DNAH10: variants seen among roughly 807,000 people sequenced by gnomAD.
DNAH10 encodes axonemal beta dynein heavy chain 10.
In DNAH10, 348 loss-of-function variants were observed where a neutral mutation model predicts 506.6. The ratio of observed to expected loss-of-function variants is 0.69; its 90% CI spans 0.63 to 0.75. The LOEUF (loss-of-function observed/expected upper bound fraction) is 0.75, where lower values mean the gene tolerates loss of function less well. DNAH10 is among the 30% of genes least tolerant of loss of function. The pLI is 0.00. For missense variants in DNAH10, 5,179 were observed against 5,787.1 expected, an observed-to-expected ratio of 0.89 and a Z score of 3.41; for synonymous variants, 2,059 against 2,198.6, an observed-to-expected ratio of 0.94 and a Z score of 1.78.
chr12:123,825,572 A>G (rs1263218743), intron 24 of DNAH10, among the ~76,000 whole-genome samples: 2 of 152,240 alleles, frequency 1.3e-5, no homozygotes, highest in Non-Finnish European at 2.9e-5. Flanking sequence ...TATTCCATTC[A>G]TAAAAAACCC....
intron 29 of DNAH10, among the ~76,000 whole-genome samples, chr12:123,839,204 T>C (rs1040371275): frequency 1.3e-5 from 2 of 150,098 alleles, no homozygotes; most frequent in African/African-American, 5.0e-5. Flanking sequence ...AAAACCTTTC[T>C]TTTTATAAAC....
chr12:123,819,243 T>C lies in DNAH10; in HGVS notation c.3993T>C (p.Leu1331=), dbSNP rs764381054. Residue 1331 remains leucine (L), a synonymous_variant, in exon 23 of 79, where the codon CTT becomes CTC. Coordinates refer to ENST00000673944, the MANE Select transcript of DNAH10 (RefSeq NM_001372106.1). ...GCCCTGGTTCTGTTGGTGATGATCT[T>C]GATAAAGGTAAGAATGTTCCTGTTG... The part of the protein sequence containing the change: ...SEGPGSVGDD[L]DKGVELLGVY... 1.2e-6 allele frequency: 2 copies of C among 1,611,418 alleles called. No homozygotes were observed. Among genetic ancestry groups the C allele is most frequent in the Non-Finnish European group, 1.7e-6 (2 of 1,178,662 alleles).
chr12:123,813,736 T>C lies in DNAH10; in HGVS notation c.3622-18T>C. The C allele has an allele frequency of 6.2e-7, 1 of 1,613,364 alleles. No individual in the cohort carries two copies. The highest frequency in any genetic ancestry group is 1.1e-5 in the South Asian group (1 of 90,854). On this transcript the variant is annotated intron_variant, in intron 20 of 78. Coordinates refer to ENST00000673944, the MANE Select transcript of DNAH10 (RefSeq NM_001372106.1). ...TTTTTCTGTGTTTGCTTAGTGTTCT[T>C]TGTACTTTCTGTTATAGCACCTGGC...
chr12:123,876,392 G>A (rs1374807333), intron 47 of DNAH10, among the ~76,000 whole-genome samples: 4 of 152,184 alleles, frequency 2.6e-5, no homozygotes, highest in Admixed American at 6.5e-5. Flanking sequence ...CAGCACTTTG[G>A]GAGGTTGAGG....
intron 65 of DNAH10, among the ~76,000 whole-genome samples, chr12:123,921,062 C>T (rs753860686): frequency 4.9e-4 from 74 of 152,176 alleles, no homozygotes; most frequent in Non-Finnish European, 6.0e-4. Flanking sequence ...CATAAGCCAC[C>T]GTGTCTGCCC....
chr12:123,919,576 C>G lies in DNAH10; in HGVS notation c.11506+627C>G, dbSNP rs1954638073. ...CTCTCTGGCTCCGGAACGTTTCCAC[C>G]AGCCCCGAAATGAAATCCCATACCC... On this transcript the variant is annotated intron_variant, in intron 65 of 78. Transcript: ENST00000673944. This position sits in a 1 kb window ranked among gnomAD's most constrained non-coding sequence, Gnocchi z 4.9. Among the ~76,000 whole-genome samples the G allele has an allele frequency of 6.6e-6, 1 of 152,194 alleles. No homozygotes were observed.
At chr12:123,788,161 A>G (rs1299726165) in intron 10 of DNAH10, among the ~76,000 whole-genome samples, 159 bp downstream of exon 10, 2 of 152,230 alleles carry the variant, frequency 1.3e-5, no homozygotes, top group Non-Finnish European at 2.9e-5. Flanking sequence ...AGAATGTACC[A>G]GAATGGACCA....
intron 51 of DNAH10, among the ~76,000 whole-genome samples, chr12:123,885,207 T>C (rs1468043590): frequency 6.6e-6 from 1 of 152,264 alleles, no homozygotes; most frequent in African/African-American, 2.4e-5. Context: ...TGTGCATTCA[T>C]ACACAAACGT....
chr12:123,871,748 C>T, intron 45 of DNAH10, 146 bp downstream of exon 45: 2 of 990,320 alleles, frequency 2.0e-6, no homozygotes, highest in Non-Finnish European at 2.9e-6. Context: ...CTAGCTCAGG[C>T]TCTCATGGGA....
At chr12:123,888,195 G>A (rs1952823732) in intron 52 of DNAH10, among the ~76,000 whole-genome samples, 1 of 151,958 alleles carries the variant, frequency 6.6e-6, no homozygotes, top group South Asian at 2.1e-4. Flanking sequence ...GCAACAGAGT[G>A]AGACCCTGTC....
chr12:123,799,203 T>A (rs2136269104), intron 13 of DNAH10, 43 bp from the exon 14 acceptor site: 1 of 1,437,078 alleles, frequency 7.0e-7, no homozygotes. Context: ...TGAAAAATGT[T>A]ATTTTCAAGG....
At chr12:123,800,966 G>A (rs1419299784) in intron 15 of DNAH10, among the ~76,000 whole-genome samples, 2 of 151,706 alleles carry the variant, frequency 1.3e-5, no homozygotes, top group Non-Finnish European at 2.9e-5. Flanking sequence ...GCAGTGAGCC[G>A]AGATCGTGCC....
intron 25 of DNAH10, among the ~76,000 whole-genome samples, chr12:123,827,124 T>C (rs1594125084): frequency 8.8e-6 from 1 of 113,408 alleles, no homozygotes; most frequent in Non-Finnish European, 1.8e-5. Flanking sequence ...TCCCAGCAGG[T>C]GCAAAGTGGG....
chr12:123,810,847 G>T (rs1220697846), intron 19 of DNAH10, among the ~76,000 whole-genome samples: 2 of 151,778 alleles, frequency 1.3e-5, no homozygotes. Context: ...ATTTTTAAGA[G>T]GTAAATAAAT....
Position 123,813,360 on chromosome 12 carries a change from A to C in DNAH10, c.3341A>C (p.Tyr1114Ser). The C allele has an allele frequency of 6.2e-7, 1 of 1,614,262 alleles. No individual in the cohort carries two copies. Among genetic ancestry groups the C allele is most frequent in the Non-Finnish European group, 8.5e-7 (1 of 1,180,044 alleles). ...LMKYLQKWKR[Y>S]RPLWKLDKAI... ...AAGTATCTACAAAAATGGAAGCGGT[A>C]TCGACCTCTCTGGAAATTGGACAAA... is the stretch of plus-strand genomic sequence containing the variant. The change falls in exon 20 of 79, where the codon TAT becomes TCT. Residue 1114 changes from tyrosine (Y) to serine (S), a missense_variant. Physicochemically the swap from Tyr to Ser is moderately radical, Grantham distance 144. Coordinates refer to ENST00000673944, the MANE Select transcript of DNAH10 (RefSeq NM_001372106.1).
intron 57 of DNAH10, among the ~76,000 whole-genome samples, chr12:123,906,414 G>A (rs1246753845): frequency 1.3e-5 from 2 of 151,846 alleles, no homozygotes; most frequent in Non-Finnish European, 2.9e-5. Flanking sequence ...GCTAATGTTT[G>A]TATTTTTAGT....
In DNAH10 at chr12:123,925,398, G is replaced by T; in HGVS notation, c.11921+194G>T. 1.5e-6 allele frequency: 1 copy of T among 679,426 alleles called. No homozygotes were observed. Among genetic ancestry groups the T allele is most frequent in the South Asian group, 3.7e-5 (1 of 27,200 alleles). The allele number at this position is 679,426 out of a possible 1,614,324, so 42.1% of individuals were successfully genotyped here. A position where few individuals can be genotyped will look rare whatever the true frequency, so the allele number is the denominator to read the frequency against. Reference sequence around the variant, plus strand: ...AACAGTGCTAGTCATAAGAAATTCAGTGTGAGCCACATATGCAGTTTCGAA... The same window carrying T: ...AACAGTGCTAGTCATAAGAAATTCATTGTGAGCCACATATGCAGTTTCGAA... On this transcript the variant is annotated intron_variant, in intron 68 of 78. Coordinates refer to ENST00000673944, the MANE Select transcript of DNAH10 (RefSeq NM_001372106.1). The surrounding 1 kb of genome is among the most constrained non-coding windows in gnomAD (Gnocchi z 4.0).
At position 123,846,895 on chromosome 12, in the gene DNAH10, G is replaced by A. The variant is rs1271215713; in HGVS notation, c.5814+741G>A. On this transcript the variant is annotated intron_variant, in intron 32 of 78. Coordinates refer to ENST00000673944, the MANE Select transcript of DNAH10 (RefSeq NM_001372106.1). This position sits in a 1 kb window ranked among gnomAD's most constrained non-coding sequence, Gnocchi z 4.5. ...GTCTCCACATCACACCATGGGATTT[G>A]GGGGGACAAGGATAAAGGGAATGAG... Among the ~76,000 whole-genome samples the A allele has an allele frequency of 1.3e-5, 2 of 152,258 alleles. No homozygotes were observed. The highest frequency in any genetic ancestry group is 2.9e-5 in the Non-Finnish European group (2 of 68,020).
At chr12:123,862,810 A>T (rs1030692848) in intron 39 of DNAH10, among the ~76,000 whole-genome samples, 2 of 152,172 alleles carry the variant, frequency 1.3e-5, no homozygotes, top group Admixed American at 6.6e-5. Context: ...CCTGAGTTTG[A>T]TAATTCTGCT....
Sources: allele counts gnomAD v4.1 joint callset (sites outside exome capture counted in the v4.1 genomes callset), GRCh38; gene constraint gnomAD v4.1.1; non-coding constraint Gnocchi (gnomAD v3.1); transcripts MANE v1.5; gene names NCBI Gene and HGNC (gene_info 2026-07-23, HGNC 2026-07-21).